The following HOXD4 variants were observed in gnomAD, a reference collection of about 807,000 sequenced individuals.
HOXD4 encodes homeobox D4.
Under a neutral mutation model 22.6 loss-of-function variants are expected in HOXD4, and 15 were observed. The observed-to-expected ratio is 0.67, with a 90% CI of 0.45 to 1.02. The LOEUF (loss-of-function observed/expected upper bound fraction) is 1.02, where lower values mean the gene tolerates loss of function less well. HOXD4 is among the 50% of genes least tolerant of loss of function. The pLI, the probability that HOXD4 is intolerant of heterozygous loss-of-function variation, is 0.00. For missense variants in HOXD4, 350 were observed against 346.6 expected (o/e 1.01, Z -0.08); for synonymous variants, 176 against 157.0 (o/e 1.12, Z -0.90).
rs1402578541 is a variant in HOXD4 at position 176,151,930 on chromosome 2, CCCGGCGCCTCCG to C, written c.306_317del (p.Pro103_Pro106del). The C allele has an allele frequency of 1.9e-6, 3 of 1,605,240 alleles. No individual in the cohort carries two copies. Among genetic ancestry groups the C allele is most frequent in the South Asian group, 2.2e-5 (2 of 90,418 alleles). On this transcript the variant is annotated inframe_deletion, in exon 1 of 2. Transcript: ENST00000306324. ...CTCCAGGAGAGCCTTGCCCAGCTCC[CCCGGCGCCTCCG>C]CCGGCGCCCCTGCCTGGCGCCCGGG...
At position 176,151,623 on chromosome 2, in the gene HOXD4, T is replaced by A. The variant is rs181916447; in HGVS notation, c.-11T>A. ...ACGAGAAAAATTAGTATTTTCTACC[T>A]TCTGAAATTAATGGTCATGAGTTCG... is the stretch of plus-strand genomic sequence containing the variant. On this transcript the variant is annotated 5_prime_UTR_variant, in exon 1 of 2. Coordinates refer to ENST00000306324, the MANE Select transcript of HOXD4 (RefSeq NM_014621.3). The A allele has an allele frequency of 9.9e-6, 16 of 1,609,012 alleles. No homozygotes were observed. The highest frequency in any genetic ancestry group is 2.2e-5 in the East Asian group (1 of 44,844).
Position 176,152,146 on chromosome 2 carries a change from TG to T in HOXD4, c.433+85del. On this transcript the variant is annotated intron_variant, in intron 1 of 1. Transcript: ENST00000306324. The surrounding 1 kb of genome is among the most constrained non-coding windows in gnomAD (Gnocchi z 5.2). Reference sequence around the variant, plus strand: ...TCCTCTGGAAGGGGGTGCGAGTAGGTGGGGGCGTGTGGAGCTTCCATGGGCG... The same window carrying T: ...TCCTCTGGAAGGGGGTGCGAGTAGGTGGGGCGTGTGGAGCTTCCATGGGCG... The T allele has an allele frequency of 8.3e-7, 1 of 1,209,656 alleles. No individual in the cohort carries two copies. The highest frequency in any genetic ancestry group is 1.2e-6 in the Non-Finnish European group (1 of 822,898). The allele number at this position is 1,209,656 out of a possible 1,614,324, so 74.9% of individuals were successfully genotyped here. A position where few individuals can be genotyped will look rare whatever the true frequency, so the allele number is the denominator to read the frequency against.
rs1201325545 is a variant in HOXD4 at position 176,152,945 on chromosome 2, G to T, written c.*3G>T. 3 of 1,613,972 alleles carry T rather than the reference G, an allele frequency of 1.9e-6. No individual in the cohort carries two copies. Among genetic ancestry groups the T allele is most frequent in the Middle Eastern group, 1.6e-4 (1 of 6,062 alleles). ...ACACGGACCTGACGACCTTATAGAAGTGGGGACCCTGGGCCCATCTCTCCC... is the reference window on the plus strand; with the variant it reads ...ACACGGACCTGACGACCTTATAGAATTGGGGACCCTGGGCCCATCTCTCCC... On this transcript the variant is annotated 3_prime_UTR_variant, in exon 2 of 2. Transcript: ENST00000306324. This position sits in a 1 kb window ranked among gnomAD's most constrained non-coding sequence, Gnocchi z 5.2.
rs753629858 is a variant in HOXD4 at position 176,152,581 on chromosome 2, G to T, written c.434-27G>T. On this transcript the variant is annotated intron_variant, in intron 1 of 1. Coordinates refer to ENST00000306324, the MANE Select transcript of HOXD4 (RefSeq NM_014621.3). This position sits in a 1 kb window ranked among gnomAD's most constrained non-coding sequence, Gnocchi z 5.2. ...CTAACTAGTGGCCGGGCGCTGACCTGCCTGTCCTGTCTGTTTTGTCTCGCA... is the reference window on the plus strand; with the variant it reads ...CTAACTAGTGGCCGGGCGCTGACCTTCCTGTCCTGTCTGTTTTGTCTCGCA... 3 of 1,599,036 alleles carry T rather than the reference G, an allele frequency of 1.9e-6. No homozygotes were observed. Among genetic ancestry groups the T allele is most frequent in the Non-Finnish European group, 2.6e-6 (3 of 1,166,990 alleles).
At position 176,151,853 on chromosome 2, in the gene HOXD4, C is replaced by T. The variant is rs1280102172; in HGVS notation, c.220C>T (p.Pro74Ser). 3 of 1,591,342 alleles carry T rather than the reference C, an allele frequency of 1.9e-6. No individual in the cohort carries two copies. Among genetic ancestry groups the T allele is most frequent in the Non-Finnish European group, 2.6e-6 (3 of 1,168,696 alleles). Reference sequence around the variant, plus strand: ...CGGCCCCGGGCCTGGCTCGGCGCTGCCTGCGCGGGGTCACGGACAAGAGCC... The same window carrying T: ...CGGCCCCGGGCCTGGCTCGGCGCTGTCTGCGCGGGGTCACGGACAAGAGCC... ...GSGPGPGSALPARGHGQEPGG... is the reference protein window; with the variant it reads ...GSGPGPGSALSARGHGQEPGG... Residue 74 changes from proline (P) to serine (S), a missense_variant, in exon 1 of 2, where the codon CCT becomes TCT. Physicochemically the swap from Pro to Ser is moderately conservative, Grantham distance 74. Coordinates refer to ENST00000306324, the MANE Select transcript of HOXD4 (RefSeq NM_014621.3).
At position 176,153,090 on chromosome 2, in the gene HOXD4, TC is replaced by T; in HGVS notation, c.*150del. 2.2e-6 allele frequency: 1 copy of T among 449,024 alleles called. No homozygotes were observed. The highest frequency in any genetic ancestry group is 3.2e-5 in the Admixed American group (1 of 31,692). The allele number at this position is 449,024 out of a possible 1,614,324, so 27.8% of individuals were successfully genotyped here. ...AGGCCGCCCTCGGACTAGGTTAGCA[TC>T]CTGCCCGAGGGCAGCCCCCTCCCTA... is the stretch of plus-strand genomic sequence containing the variant. On this transcript the variant is annotated 3_prime_UTR_variant, in exon 2 of 2. Coordinates refer to ENST00000306324, the MANE Select transcript of HOXD4 (RefSeq NM_014621.3).
rs770710853 is a variant in HOXD4, at chr2:176,152,083, G to C, written c.433+17G>C. 3.1e-6 allele frequency: 5 copies of C among 1,609,114 alleles called. No individual in the cohort carries two copies. In the African/African-American group the frequency reaches 5.3e-5, roughly 17 times the overall value. On this transcript the variant is annotated intron_variant, in intron 1 of 1. Coordinates refer to ENST00000306324, the MANE Select transcript of HOXD4 (RefSeq NM_014621.3). The surrounding 1 kb of genome is among the most constrained non-coding windows in gnomAD (Gnocchi z 5.2). ...TGAATTCGGGTAAGGCTAGGGTCCA[G>C]TAACCTTTCTGTCCACATCCCAGCC...
rs1173580037 is a variant in HOXD4, at chr2:176,151,637, G to T, written c.4G>T (p.Val2Phe). The change falls in exon 1 of 2, where the codon GTC (valine) becomes TTC (phenylalanine). Residue 2 changes from valine to phenylalanine, a missense_variant. Coordinates refer to ENST00000306324, the MANE Select transcript of HOXD4 (RefSeq NM_014621.3). Reference protein sequence around the residue: MVMSSYMVNSKY... With the variant: MFMSSYMVNSKY... The stretch of plus-strand genomic sequence containing the variant: ...TATTTTCTACCTTCTGAAATTAATG[G>T]TCATGAGTTCGTATATGGTGAACTC... The T allele has an allele frequency of 6.2e-7, 1 of 1,612,078 alleles. No homozygotes were observed. The highest frequency in any genetic ancestry group is 8.5e-7 in the Non-Finnish European group (1 of 1,178,902).
Position 176,152,122 on chromosome 2 carries a change from C to A in HOXD4, c.433+56C>A, listed in dbSNP as rs1422884131. ...CACATCCCAGCCCGTTAGCCTGGGT[C>A]CTCTGGAAGGGGGTGCGAGTAGGTG... On this transcript the variant is annotated intron_variant, in intron 1 of 1. Transcript: ENST00000306324. The surrounding 1 kb of genome is among the most constrained non-coding windows in gnomAD (Gnocchi z 5.2). 1.4e-5 allele frequency: 21 copies of A among 1,477,702 alleles called. No individual in the cohort carries two copies. Among genetic ancestry groups the A allele is most frequent in the Non-Finnish European group, 2.0e-5 (21 of 1,058,388 alleles). 91.5% of individuals were successfully genotyped at this position (1,477,702 alleles called of 1,614,324 possible).
At position 176,151,595 on chromosome 2, in the gene HOXD4, A is replaced by T. The variant is rs755660748; in HGVS notation, c.-39A>T. On this transcript the variant is annotated 5_prime_UTR_variant, in exon 1 of 2. Coordinates refer to ENST00000306324, the MANE Select transcript of HOXD4 (RefSeq NM_014621.3). ...GCCCTATGGAAGGAGAAAAAAAGAC[A>T]ACACGAGAAAAATTAGTATTTTCTA... The T allele has an allele frequency of 2.5e-6, 4 of 1,569,428 alleles. No homozygotes were observed. Among genetic ancestry groups the T allele is most frequent in the Non-Finnish European group, 8.8e-7 (1 of 1,140,940 alleles).
At position 176,153,000 on chromosome 2, in the gene HOXD4, G is replaced by T; in HGVS notation, c.*58G>T. 6.5e-7 allele frequency: 1 copy of T among 1,547,846 alleles called. No individual in the cohort carries two copies. Among genetic ancestry groups the T allele is most frequent in the Non-Finnish European group, 8.9e-7 (1 of 1,120,044 alleles). ...CACCAGGCTGAGCCGAAGCTGCGGG[G>T]GCAGGCCGGGCCTGCTGTCACCTCG... On this transcript the variant is annotated 3_prime_UTR_variant, in exon 2 of 2. Transcript: ENST00000306324. The surrounding 1 kb of genome is among the most constrained non-coding windows in gnomAD (Gnocchi z 5.2).
chr2:176,151,956 C>T lies in HOXD4; in HGVS notation c.323C>T (p.Pro108Leu). 6.2e-7 allele frequency: 1 copy of T among 1,611,388 alleles called. No homozygotes were observed. The highest frequency in any genetic ancestry group is 1.7e-5 in the Admixed American group (1 of 59,892). ...APPAPPPAPL[P>L]GARAYSQSDP... is the part of the protein sequence containing the mutation. ...CCGGCGCCTCCGCCGGCGCCCCTGCCTGGCGCCCGGGCCTACAGTCAGTCC... is the reference window on the plus strand; with the variant it reads ...CCGGCGCCTCCGCCGGCGCCCCTGCTTGGCGCCCGGGCCTACAGTCAGTCC... Residue 108 changes from proline to leucine, a missense_variant, in exon 1 of 2, where the codon CCT becomes CTT. By Grantham distance (98) the Pro-to-Leu change is moderately conservative. Coordinates refer to ENST00000306324, the MANE Select transcript of HOXD4 (RefSeq NM_014621.3).
rs775884827 is a variant in HOXD4 at position 176,152,839 on chromosome 2, C to A, written c.665C>A (p.Ser222Ter). Residue 222 changes from serine to a stop codon, truncating the protein, a stop_gained, in exon 2 of 2, where the codon TCA (serine) becomes TAA (stop). Transcript: ENST00000306324. LOFTEE classifies it high-confidence loss of function. The surrounding 1 kb of genome is among the most constrained non-coding windows in gnomAD (Gnocchi z 5.2). ...DHKLPNTKGRSSSSSSSSSCS... is the reference protein window; with the variant it reads ...DHKLPNTKGR ...AAGCTGCCCAACACTAAAGGCAGGT[C>A]ATCGTCCTCATCTTCCTCCTCATCT... 1.2e-5 allele frequency: 20 copies of A among 1,614,200 alleles called. No homozygotes were observed. The South Asian group carries it at 2.0e-4, about 16-fold the overall frequency.
chr2:176,152,719 G>T lies in HOXD4; in HGVS notation c.545G>T (p.Arg182Leu). 6.2e-7 allele frequency: 1 copy of T among 1,614,166 alleles called. No homozygotes were observed. Among genetic ancestry groups the T allele is most frequent in the Middle Eastern group, 1.6e-4 (1 of 6,062 alleles). ...EFHFNRYLTR[R>L]RRIEIAHTLC... ...CATTTTAACAGGTATCTGACAAGGC[G>T]CCGTCGGATTGAAATCGCTCACACC... is the stretch of plus-strand genomic sequence containing the variant. Residue 182 changes from arginine to leucine, a missense_variant, in exon 2 of 2, where the codon CGC becomes CTC. By Grantham distance (102) the Arg-to-Leu change is moderately radical (BLOSUM62 -2). Transcript: ENST00000306324. The surrounding 1 kb of genome is among the most constrained non-coding windows in gnomAD (Gnocchi z 5.2).
chr2:176,152,941 A>G lies in HOXD4; in HGVS notation c.767A>G (p.Ter256TrpextTer81), dbSNP rs2105424087. Residue 256 changes from the stop codon to tryptophan, a stop_lost, in exon 2 of 2, where the codon TAG becomes TGG. Coordinates refer to ENST00000306324, the MANE Select transcript of HOXD4 (RefSeq NM_014621.3). The surrounding 1 kb of genome is among the most constrained non-coding windows in gnomAD (Gnocchi z 5.2). The stretch of plus-strand genomic sequence containing the variant: ...CACCACACGGACCTGACGACCTTAT[A>G]GAAGTGGGGACCCTGGGCCCATCTC... Reference protein sequence around the residue: ...KDHHTDLTTL* With the variant: ...KDHHTDLTTLW 1.2e-6 allele frequency: 2 copies of G among 1,614,018 alleles called. No individual in the cohort carries two copies. The highest frequency in any genetic ancestry group is 1.7e-6 in the Non-Finnish European group (2 of 1,179,900).
In HOXD4 at chr2:176,152,953, C is replaced by T; in HGVS notation, c.*11C>T. On this transcript the variant is annotated 3_prime_UTR_variant, in exon 2 of 2. Coordinates refer to ENST00000306324, the MANE Select transcript of HOXD4 (RefSeq NM_014621.3). The surrounding 1 kb of genome is among the most constrained non-coding windows in gnomAD (Gnocchi z 5.2). ...CTGACGACCTTATAGAAGTGGGGAC[C>T]CTGGGCCCATCTCTCCCTGCGCACC... is the stretch of plus-strand genomic sequence containing the variant. 6.2e-7 allele frequency: 1 copy of T among 1,612,962 alleles called. No individual in the cohort carries two copies. The highest frequency in any genetic ancestry group is 8.5e-7 in the Non-Finnish European group (1 of 1,178,944).
chr2:176,151,639 C>A lies in HOXD4; in HGVS notation c.6C>A (p.Val2=). The stretch of plus-strand genomic sequence containing the variant: ...TTTTCTACCTTCTGAAATTAATGGT[C>A]ATGAGTTCGTATATGGTGAACTCCA... The part of the protein sequence containing the change: M[V]MSSYMVNSKY... Residue 2 remains valine, a synonymous_variant, in exon 1 of 2, where the codon GTC becomes GTA. Transcript: ENST00000306324. 1 of 1,611,516 alleles carries A rather than the reference C, an allele frequency of 6.2e-7. No homozygotes were observed. Among genetic ancestry groups the A allele is most frequent in the South Asian group, 1.1e-5 (1 of 90,990 alleles).
chr2:176,153,118 A>G lies in HOXD4; in HGVS notation c.*176A>G. On this transcript the variant is annotated 3_prime_UTR_variant, in exon 2 of 2. Coordinates refer to ENST00000306324, the MANE Select transcript of HOXD4 (RefSeq NM_014621.3). ...TGCCCGAGGGCAGCCCCCTCCCTAGAGCGGGATGGGGATGGGAGGGGGGGC... is the reference window on the plus strand; with the variant it reads ...TGCCCGAGGGCAGCCCCCTCCCTAGGGCGGGATGGGGATGGGAGGGGGGGC... 2.8e-5 allele frequency: 10 copies of G among 362,306 alleles called. No individual in the cohort carries two copies. Among genetic ancestry groups the G allele is most frequent in the East Asian group, 2.2e-4 (3 of 13,580 alleles). 22.4% of individuals were successfully genotyped at this position (362,306 alleles called of 1,614,324 possible).
rs773992934 is a variant in HOXD4 at position 176,152,008 on chromosome 2, G to A, written c.375G>A (p.Thr125=). 5.0e-6 allele frequency: 8 copies of A among 1,613,432 alleles called. No homozygotes were observed. The highest frequency in any genetic ancestry group is 2.2e-5 in the South Asian group (2 of 91,058). Residue 125 remains threonine, a synonymous_variant, in exon 1 of 2, where the codon ACG becomes ACA. Coordinates refer to ENST00000306324, the MANE Select transcript of HOXD4 (RefSeq NM_014621.3). The surrounding 1 kb of genome is among the most constrained non-coding windows in gnomAD (Gnocchi z 5.2). ...ACCCCAAGCAGCCGCCCTCCGGGAC[G>A]GCACTCAAGCAGCCGGCCGTGGTCT... The part of the protein sequence containing the change: ...QSDPKQPPSG[T]ALKQPAVVYP...
Sources: allele counts gnomAD v4.1 joint callset, GRCh38; gene constraint gnomAD v4.1.1; non-coding constraint Gnocchi (gnomAD v3.1); transcripts MANE v1.5; gene names NCBI Gene and HGNC (gene_info 2026-07-23, HGNC 2026-07-21).